Variants in NEDD1 observed in about 807,000 individuals in gnomAD.
NEDD1 encodes the protein NEDD1 gamma-tubulin ring complex targeting factor.
A neutral mutation model predicts 74.0 loss-of-function variants in NEDD1; 33 were observed. The observed-to-expected ratio is 0.45, with a 90% CI of 0.34 to 0.60. The LOEUF (loss-of-function observed/expected upper bound fraction) is 0.60. Ranked by LOEUF, NEDD1 falls within the 20% of genes least tolerant of loss-of-function variation. The probability of loss-of-function intolerance (pLI) is 0.01; values close to 1 mark genes in which losing one functional copy is unlikely to be tolerated. For missense variants in NEDD1, 746 were observed against 776.5 expected (o/e 0.96, Z 0.47); for synonymous variants, 250 against 264.4 (o/e 0.95, Z 0.53).
At chr12:96,907,910 CAT>C in intron 2 of NEDD1, 54 bp downstream of exon 2, 1 of 1,292,880 alleles carries the variant, frequency 7.7e-7, no homozygotes, top group Non-Finnish European at 9.9e-7. Context: ...CGAAAACAAA[CAT>C]TAAATCACCC....
At position 96,944,863 on chromosome 12, in the gene NEDD1, G is replaced by C. The variant is rs925333897; in HGVS notation, c.1654+68G>C. 1.0e-5 allele frequency: 12 copies of C among 1,188,508 alleles called. No homozygotes were observed. In the African/African-American group the frequency reaches 1.4e-4, roughly 14 times the overall value. 73.6% of individuals were successfully genotyped at this position (1,188,508 alleles called of 1,614,324 possible). A position where few individuals can be genotyped will look rare whatever the true frequency, so the allele number is the denominator to read the frequency against. On this transcript the variant is annotated intron_variant, in intron 13 of 15. Transcript: ENST00000266742. ...AAAAATCATCCCCATTATTTAACTT[G>C]TAAAGGAGAAATAGAGTAATCATAG...
At chr12:96,939,386 A>G (rs1179164441) in intron 9 of NEDD1, among the ~76,000 whole-genome samples, 1 of 151,756 alleles carries the variant, frequency 6.6e-6, no homozygotes, top group African/African-American at 2.4e-5. Flanking sequence ...TAACAACTGA[A>G]CTCTTGCTAT....
chr12:96,913,370 T>A (rs1874119446), intron 4 of NEDD1, among the ~76,000 whole-genome samples: 1 of 151,916 alleles, frequency 6.6e-6, no homozygotes, highest in East Asian at 1.9e-4. Context: ...ACTGTTGCCT[T>A]ATCCTTTTTT....
At chr12:96,921,814 G>C (rs1418218022) in intron 6 of NEDD1, among the ~76,000 whole-genome samples, 1 of 148,654 alleles carries the variant, frequency 6.7e-6, no homozygotes, top group Non-Finnish European at 1.5e-5. Context: ...CAGGGTCTCA[G>C]TATGTTGTCC....
At chr12:96,921,242 C>T (rs569020990) in intron 6 of NEDD1, among the ~76,000 whole-genome samples, 7 of 152,078 alleles carry the variant, frequency 4.6e-5, no homozygotes, top group Admixed American at 2.0e-4. Context: ...AGTATAGTGG[C>T]GCAATCTCAG....
At chr12:96,919,245 A>G (rs959736350) in intron 5 of NEDD1, among the ~76,000 whole-genome samples, 1 of 152,156 alleles carries the variant, frequency 6.6e-6, no homozygotes, top group African/African-American at 2.4e-5. Context: ...AGCCTGGTAT[A>G]GTGGAAGGAA....
At chr12:96,925,335 C>T (rs1019404483) in intron 6 of NEDD1, among the ~76,000 whole-genome samples, 4 of 152,162 alleles carry the variant, frequency 2.6e-5, no homozygotes, top group African/African-American at 9.7e-5. Context: ...GCATAGAATG[C>T]TTACCACCAT....
chr12:96,942,476 G>A, intron 10 of NEDD1, 101 bp from the exon 11 acceptor site: 1 of 685,680 alleles, frequency 1.5e-6, no homozygotes, highest in Non-Finnish European at 2.6e-6. Context: ...AGCTTTTTAA[G>A]ATTGTTAGTC....
intron 6 of NEDD1, among the ~76,000 whole-genome samples, chr12:96,929,783 G>C (rs920368148): frequency 6.9e-6 from 1 of 144,452 alleles, no homozygotes; most frequent in Non-Finnish European, 1.5e-5. Flanking sequence ...ACACACTTTG[G>C]CTGGTCAGTT....
intron 12 of NEDD1, 81 bp downstream of exon 12, chr12:96,943,843 ATTAT>A (rs1191781313): frequency 1.3e-6 from 1 of 758,276 alleles, no homozygotes; most frequent in African/African-American, 1.8e-5. Context: ...ATGTATCCTA[ATTAT>A]TAGCATTGCT....
chr12:96,916,465 C>G (rs1168988384), intron 4 of NEDD1, among the ~76,000 whole-genome samples: 3 of 121,802 alleles, frequency 2.5e-5, no homozygotes, highest in African/African-American at 9.4e-5. Flanking sequence ...TCCATGTGAT[C>G]TCATTGTTCA....
At chr12:96,910,151 A>T (rs1348756050) in intron 3 of NEDD1, among the ~76,000 whole-genome samples, 1 of 152,258 alleles carries the variant, frequency 6.6e-6, no homozygotes, top group Non-Finnish European at 1.5e-5. Flanking sequence ...TATTAAAAAA[A>T]GTATATTCTG....
At position 96,953,007 on chromosome 12, in the gene NEDD1, G is replaced by A. The variant is rs568012329; in HGVS notation, c.*954G>A. ...TACCATAAAATTATTTAGAAAGGTT[G>A]TCAAAATAAGTTATACCTCTTTGGC... On this transcript the variant is annotated 3_prime_UTR_variant, in exon 16 of 16. Transcript: ENST00000266742. 5.3e-5 allele frequency: 8 copies of A among 151,418 alleles called. No homozygotes were observed. In the South Asian group the frequency reaches 1.7e-3, roughly 31 times the overall value. The allele number at this position is 151,418 out of a possible 1,614,324, so 9.4% of individuals were successfully genotyped here.
intron 4 of NEDD1, among the ~76,000 whole-genome samples, chr12:96,913,956 C>T (rs907862004): frequency 1.3e-5 from 2 of 152,154 alleles, no homozygotes; most frequent in Non-Finnish European, 2.9e-5. Flanking sequence ...AAAGAGGACT[C>T]ATGATTTTTA....
At chr12:96,925,789 A>G (rs1875626298) in intron 6 of NEDD1, among the ~76,000 whole-genome samples, 1 of 152,218 alleles carries the variant, frequency 6.6e-6, no homozygotes, top group East Asian at 1.9e-4. Context: ...CTCAAAGCTT[A>G]TCTCTTATCT....
chr12:96,907,649 C>T lies in NEDD1; in HGVS notation c.-216C>T. 1 of 1,550,776 alleles carries T rather than the reference C, an allele frequency of 6.4e-7. No individual in the cohort carries two copies. Among genetic ancestry groups the T allele is most frequent in the Non-Finnish European group, 8.7e-7 (1 of 1,146,184 alleles). On this transcript the variant is annotated 5_prime_UTR_variant, in exon 2 of 16. Transcript: ENST00000266742. The stretch of plus-strand genomic sequence containing the variant: ...GGTTAGCCTCACTTGAGCTGTTGTC[C>T]TGCAAGTAAAGTGTATTTTTGGTGA...
At chr12:96,945,045 G>A (rs113163735) in intron 13 of NEDD1, among the ~76,000 whole-genome samples, 2 of 151,530 alleles carry the variant, frequency 1.3e-5, no homozygotes, top group African/African-American at 4.9e-5. Context: ...CTTTAATATG[G>A]TAGAGATAGA....
intron 2 of NEDD1, 31 bp downstream of exon 2, chr12:96,907,887 C>T (rs1873493791): frequency 1.5e-6 from 2 of 1,321,818 alleles, no homozygotes; most frequent in African/African-American, 1.5e-5. Context: ...CTTCCCCGCC[C>T]CGCTTTAAGA....
At chr12:96,910,942 A>G (rs1421570036) in intron 3 of NEDD1, among the ~76,000 whole-genome samples, 1 of 152,238 alleles carries the variant, frequency 6.6e-6, no homozygotes, top group African/African-American at 2.4e-5. Context: ...AGGAACAAAA[A>G]TATTAAAAGT....
Sources: gnomAD v4.1 joint callset for allele counts (sites outside exome capture counted in the v4.1 genomes callset) on GRCh38, gnomAD v4.1.1 for gene constraint, MANE v1.5 for transcripts, NCBI Gene and HGNC (gene_info 2026-07-23, HGNC 2026-07-21) for gene names.